HS6ST3: variants seen among roughly 807,000 people sequenced by gnomAD.
The protein encoded by HS6ST3 is heparan sulfate 6-O-sulfotransferase 3, also known as heparan-sulfate 6-O-sulfotransferase 3.
HS6ST3 carries 12 observed loss-of-function variants against 36.7 expected under a neutral mutation model. The observed-to-expected ratio is 0.33, with a 90% confidence interval of 0.21 to 0.53. The LOEUF is 0.53. HS6ST3 is among the 20% of genes least tolerant of loss of function. The pLI is 0.95. For missense variants in HS6ST3, 584 were observed against 640.9 expected (o/e 0.91, Z 0.96); for synonymous variants, 240 against 257.5 (o/e 0.93, Z 0.65).
chr13:96,257,815 GAGA>G (rs2054644526), intron 1 of HS6ST3, among the ~76,000 whole-genome samples: 1 of 152,182 alleles, frequency 6.6e-6, no homozygotes, highest in Non-Finnish European at 1.5e-5. Context: ...GAGTATTAGA[GAGA>G]AGAAGAACAG....
At chr13:96,393,857 G>A (rs570289014) in intron 1 of HS6ST3, among the ~76,000 whole-genome samples, 7 of 152,256 alleles carry the variant, frequency 4.6e-5, no homozygotes, top group South Asian at 2.1e-4. Flanking sequence ...TGAGGAAACT[G>A]AGCCATCCAG....
chr13:96,691,574 TTTTA>T (rs1258827997), intron 1 of HS6ST3, among the ~76,000 whole-genome samples: 1 of 151,924 alleles, frequency 6.6e-6, no homozygotes, highest in Non-Finnish European at 1.5e-5. Flanking sequence ...TTTTATCTTA[TTTTA>T]TTTTTCTTTC....
At chr13:96,317,581 A>T (rs1047568276) in intron 1 of HS6ST3, among the ~76,000 whole-genome samples, 1 of 151,320 alleles carries the variant, frequency 6.6e-6, no homozygotes, top group Admixed American at 6.6e-5. Flanking sequence ...ATACTTAGTA[A>T]TGGGATTGCT....
chr13:96,680,750 T>C (rs1439481216), intron 1 of HS6ST3, among the ~76,000 whole-genome samples: 1 of 152,154 alleles, frequency 6.6e-6, no homozygotes, highest in East Asian at 1.9e-4. Context: ...CATGGACACA[T>C]TTTTCTTCCC....
intron 1 of HS6ST3, among the ~76,000 whole-genome samples, chr13:96,283,668 G>A (rs1486799912): frequency 6.6e-6 from 1 of 152,178 alleles, no homozygotes; most frequent in East Asian, 1.9e-4. Context: ...AAATAGATAT[G>A]TGTATGTGTA....
At chr13:96,701,277 C>T (rs1003752042) in intron 1 of HS6ST3, among the ~76,000 whole-genome samples, 3 of 152,112 alleles carry the variant, frequency 2.0e-5, no homozygotes, top group South Asian at 2.1e-4. Flanking sequence ...TAAGATACTA[C>T]GTGCAATTTG....
At chr13:96,512,319 G>T (rs936163037) in intron 1 of HS6ST3, among the ~76,000 whole-genome samples, 6 of 152,148 alleles carry the variant, frequency 3.9e-5, no homozygotes, top group African/African-American at 1.4e-4. Flanking sequence ...ACCTCTTAGG[G>T]CAAGTGCCCT....
chr13:96,607,030 C>A (rs1380070702), intron 1 of HS6ST3, among the ~76,000 whole-genome samples: 2 of 152,058 alleles, frequency 1.3e-5, no homozygotes, highest in Non-Finnish European at 2.9e-5. Flanking sequence ...AGCAAGAAAA[C>A]AGAACAAACA....
At chr13:96,765,588 TTCTCTCTCTCTCTCTCTCTCTCTCTC>T (rs58979172) in intron 1 of HS6ST3, among the ~76,000 whole-genome samples, 1 of 142,596 alleles carries the variant, frequency 7.0e-6, no homozygotes, top group African/African-American at 2.6e-5. Flanking sequence ...CTCTCTCTCT[TTCTCTCTCTCTCTCTCTCTCTCTCTC>T]TCTCTCTCTC....
rs367894640 is a variant in HS6ST3, at chr13:96,825,960, C to G, written c.708-6530C>G. On this transcript the variant is annotated intron_variant, in intron 1 of 1. Coordinates refer to ENST00000376705, the MANE Select transcript of HS6ST3 (RefSeq NM_153456.4). ...GGGCATTTTCTTCTTTTTTTATGTTCTCAACATTTCCTGAAGCAGTGCCTT... is the reference window on the plus strand; with the variant it reads ...GGGCATTTTCTTCTTTTTTTATGTTGTCAACATTTCCTGAAGCAGTGCCTT... Among the ~76,000 whole-genome samples the G allele has an allele frequency of 3.9e-5, 6 of 152,130 alleles. No individual in the cohort carries two copies. In the East Asian group the frequency reaches 1.2e-3, roughly 29 times the overall value.
At chr13:96,178,862 A>G (rs2054225197) in intron 1 of HS6ST3, among the ~76,000 whole-genome samples, 1 of 152,220 alleles carries the variant, frequency 6.6e-6, no homozygotes, top group South Asian at 2.1e-4. Flanking sequence ...TGAAAGCTGG[A>G]TCTTTCATTT....
At chr13:96,170,541 G>T (rs1392867807) in intron 1 of HS6ST3, among the ~76,000 whole-genome samples, 2 of 152,208 alleles carry the variant, frequency 1.3e-5, no homozygotes, top group African/African-American at 2.4e-5. Context: ...TCTAAAGTCT[G>T]CAGATCTCCA....
intron 1 of HS6ST3, among the ~76,000 whole-genome samples, chr13:96,264,819 T>C (rs2139385037): frequency 6.6e-6 from 1 of 152,302 alleles, no homozygotes; most frequent in Non-Finnish European, 1.5e-5. Flanking sequence ...TTAAAAATTA[T>C]TTGCCAGTGT....
intron 1 of HS6ST3, among the ~76,000 whole-genome samples, chr13:96,407,189 G>T (rs1303519296): frequency 6.6e-6 from 1 of 152,172 alleles, no homozygotes; most frequent in African/African-American, 2.4e-5. Flanking sequence ...GAAATTTTAA[G>T]TTCAAAAGGG....
intron 1 of HS6ST3, among the ~76,000 whole-genome samples, chr13:96,822,366 C>G (rs2138542967): frequency 6.6e-6 from 1 of 152,282 alleles, no homozygotes; most frequent in South Asian, 2.1e-4. Context: ...AGAGCAGGAC[C>G]CTCCCTGGCA....
chr13:96,361,056 A>G (rs1313330589), intron 1 of HS6ST3, among the ~76,000 whole-genome samples: 1 of 152,302 alleles, frequency 6.6e-6, no homozygotes, highest in Non-Finnish European at 1.5e-5. Context: ...CAAGAATGGT[A>G]TATTAGTTAG....
Position 96,574,817 on chromosome 13 carries a change from G to A in HS6ST3, c.708-257673G>A, listed in dbSNP as rs191323504. Among the ~76,000 whole-genome samples the A allele has an allele frequency of 4.3e-3, 658 of 152,198 alleles. 7 individuals carry two copies. The highest frequency in any genetic ancestry group is 6.8e-3 in the Middle Eastern group (2 of 294). Reference sequence around the variant, plus strand: ...GTCTGGTATTTGCCACATGGGTTTGGCCACACTCTGAAGCTGGAATTGATG... The same window carrying A: ...GTCTGGTATTTGCCACATGGGTTTGACCACACTCTGAAGCTGGAATTGATG... On this transcript the variant is annotated intron_variant, in intron 1 of 1. Coordinates refer to ENST00000376705, the MANE Select transcript of HS6ST3 (RefSeq NM_153456.4).
chr13:96,639,882 T>C (rs1023569805), intron 1 of HS6ST3, among the ~76,000 whole-genome samples: 1 of 152,150 alleles, frequency 6.6e-6, no homozygotes, highest in African/African-American at 2.4e-5. Flanking sequence ...GCAAAGGACA[T>C]GATTTCATTT....
In HS6ST3 at chr13:96,146,752, T is replaced by G. The variant is rs544870306; in HGVS notation, c.707+55183T>G. Among the ~76,000 whole-genome samples, 4 of 152,324 alleles carry G rather than the reference T, an allele frequency of 2.6e-5. No individual in the cohort carries two copies. In the East Asian group the frequency reaches 7.7e-4, roughly 29 times the overall value. ...TAGGTATGGTCACTTTGAGAATACA[T>G]TTCTTGGAAAAATTGTTTATTGAGT... On this transcript the variant is annotated intron_variant, in intron 1 of 1. Transcript: ENST00000376705.
Sources: allele counts gnomAD v4.1 joint callset (sites outside exome capture counted in the v4.1 genomes callset), GRCh38; gene constraint gnomAD v4.1.1; transcripts MANE v1.5; gene names NCBI Gene and HGNC (gene_info 2026-07-23, HGNC 2026-07-21).